ARL6: variants seen among roughly 807,000 people sequenced by gnomAD.
ARL6 encodes the protein ADP-ribosylation factor-like protein 6.
Under a neutral mutation model 27.1 loss-of-function variants are expected in ARL6, and 18 were observed. The observed-to-expected ratio is 0.66, with a 90% CI of 0.46 to 0.98. ARL6 has a LOEUF of 0.98. Among genes scored for constraint, ARL6 ranks in the 50% least tolerant of loss-of-function variants. The probability of loss-of-function intolerance (pLI) is 0.00; values close to 1 mark genes in which losing one functional copy is unlikely to be tolerated. For missense variants in ARL6, 187 were observed against 214.9 expected, an observed-to-expected ratio of 0.87 and a Z score of 0.81; for synonymous variants, 65 against 72.3, an observed-to-expected ratio of 0.90 and a Z score of 0.51.
At chr3:97,771,783 T>C (rs1217871659) in intron 2 of ARL6, among the ~76,000 whole-genome samples, 3 of 152,212 alleles carry the variant, frequency 2.0e-5, no homozygotes, top group Non-Finnish European at 4.4e-5. Context: ...TCAACGTCTA[T>C]TTAAATGATC....
intron 2 of ARL6, among the ~76,000 whole-genome samples, chr3:97,776,291 C>T (rs982092182): frequency 1.6e-4 from 24 of 151,866 alleles, no homozygotes; most frequent in African/African-American, 5.6e-4. Context: ...CATGGAATGT[C>T]TTTATCCGTT....
rs1167688946 is a variant in ARL6 at position 97,798,235 on chromosome 3, AC to A, written c.*187del. 2.1e-4 allele frequency: 128 copies of A among 600,296 alleles called. No homozygotes were observed. The highest frequency in any genetic ancestry group is 3.3e-4 in the Non-Finnish European group (113 of 337,504). 37.2% of individuals were successfully genotyped at this position (600,296 alleles called of 1,614,324 possible). A position where few individuals can be genotyped will look rare whatever the true frequency, so the allele number is the denominator to read the frequency against. On this transcript the variant is annotated 3_prime_UTR_variant, in exon 8 of 8. Coordinates refer to ENST00000463745, the MANE Select transcript of ARL6 (RefSeq NM_001278293.3). ...TAATTTGGCCATTAATTATTTAAAA[AC>A]TAAATATTCCCTCAAAAGGGCTCCC... is the stretch of plus-strand genomic sequence containing the variant.
rs1166582269 is a variant in ARL6, at chr3:97,780,618, G to T, written c.189G>T (p.Leu63Phe). Residue 63 changes from leucine (L) to phenylalanine (F), a missense_variant, in exon 4 of 8, where the codon TTG (leucine) becomes TTT (phenylalanine). Coordinates refer to ENST00000463745, the MANE Select transcript of ARL6 (RefSeq NM_001278293.3). ...CATGTTTTGCTTCTTTTTGTAGTTT[G>T]TCATTTACAGTGTTTGACATGTCAG... The part of the protein sequence containing the change: ...FSIEKFKSSS[L>F]SFTVFDMSGQ... 1.2e-6 allele frequency: 2 copies of T among 1,612,468 alleles called. No homozygotes were observed. Among genetic ancestry groups the T allele is most frequent in the South Asian group, 1.1e-5 (1 of 91,012 alleles).
intron 7 of ARL6, 155 bp downstream of exon 7, chr3:97,791,981 C>T: frequency 7.7e-6 from 5 of 651,314 alleles, no homozygotes; most frequent in Admixed American, 2.8e-5. Flanking sequence ...TATCCAATAC[C>T]TTGTTCCATT....
intron 2 of ARL6, among the ~76,000 whole-genome samples, chr3:97,779,908 G>A (rs960008969): frequency 8.6e-5 from 13 of 150,722 alleles, no homozygotes; most frequent in South Asian, 2.1e-4. Context: ...TAAAACAAAC[G>A]CTTATGTCCT....
chr3:97,775,607 C>G (rs1475954688), intron 2 of ARL6, among the ~76,000 whole-genome samples: 1 of 152,176 alleles, frequency 6.6e-6, no homozygotes, highest in Non-Finnish European at 1.5e-5. Flanking sequence ...AGGATCAATA[C>G]TTTGCATCCT....
chr3:97,797,739 A>C (rs1309276353), intron 7 of ARL6, among the ~76,000 whole-genome samples: 2 of 152,190 alleles, frequency 1.3e-5, no homozygotes, highest in African/African-American at 4.8e-5. Flanking sequence ...GATAAAAATA[A>C]TAACTATAGA....
chr3:97,799,711 G>A lies in ARL6; in HGVS notation c.*1662G>A, dbSNP rs548574719. Reference sequence around the variant, plus strand: ...TTTCAACATTTAATCCTCCCAATAAGCCTATGTGGCAGGTTTTATTATTTC... The same window carrying A: ...TTTCAACATTTAATCCTCCCAATAAACCTATGTGGCAGGTTTTATTATTTC... On this transcript the variant is annotated 3_prime_UTR_variant, in exon 8 of 8. Transcript: ENST00000463745. The A allele has an allele frequency of 6.6e-6, 1 of 152,006 alleles. No individual in the cohort carries two copies. The highest frequency in any genetic ancestry group is 2.4e-5 in the African/African-American group (1 of 41,426). 9.4% of individuals were successfully genotyped at this position (152,006 alleles called of 1,614,324 possible). A position where few individuals can be genotyped will look rare whatever the true frequency, so the allele number is the denominator to read the frequency against.
intron 4 of ARL6, among the ~76,000 whole-genome samples, chr3:97,783,773 CA>C (rs1029670683): frequency 1.3e-5 from 2 of 150,486 alleles, no homozygotes; most frequent in South Asian, 2.1e-4. Flanking sequence ...AAGTGATTCG[CA>C]AAAAAAAGTA....
Position 97,798,713 on chromosome 3 carries a change from C to A in ARL6, c.*664C>A, listed in dbSNP as rs914844772. 1 of 151,932 alleles carries A rather than the reference C, an allele frequency of 6.6e-6. No homozygotes were observed. The highest frequency in any genetic ancestry group is 1.5e-5 in the Non-Finnish European group (1 of 67,942). 9.4% of individuals were successfully genotyped at this position (151,932 alleles called of 1,614,324 possible). ...GACATAGTCCTAGGCAATGATGTTA[C>A]GAGGTAAATAAGACATATCCTTATC... is the stretch of plus-strand genomic sequence containing the variant. On this transcript the variant is annotated 3_prime_UTR_variant, in exon 8 of 8. Coordinates refer to ENST00000463745, the MANE Select transcript of ARL6 (RefSeq NM_001278293.3).
At chr3:97,780,762 C>A in intron 4 of ARL6, 79 bp downstream of exon 4, 2 of 1,155,220 alleles carry the variant, frequency 1.7e-6, no homozygotes, top group Non-Finnish European at 2.5e-6. Context: ...AATTATATGG[C>A]TAGGTTGTTT....
chr3:97,788,283 A>G (rs1252063435), intron 6 of ARL6, among the ~76,000 whole-genome samples, 164 bp downstream of exon 6: 3 of 152,192 alleles, frequency 2.0e-5, no homozygotes, highest in Admixed American at 2.0e-4. Flanking sequence ...TTTTACAAAT[A>G]TATTACTGTT....
intron 2 of ARL6, among the ~76,000 whole-genome samples, chr3:97,773,462 A>T (rs2036737444): frequency 6.6e-6 from 1 of 152,148 alleles, no homozygotes; most frequent in Admixed American, 6.5e-5. Flanking sequence ...ACTCAGTATT[A>T]ACCATCACAA....
intron 5 of ARL6, among the ~76,000 whole-genome samples, chr3:97,785,738 G>A (rs1346094981): frequency 6.6e-6 from 1 of 152,056 alleles, no homozygotes; most frequent in Non-Finnish European, 1.5e-5. Flanking sequence ...ACCTGTTGAT[G>A]TATACTTTCC....
chr3:97,777,607 T>C (rs1450705608), intron 2 of ARL6, among the ~76,000 whole-genome samples: 2 of 152,228 alleles, frequency 1.3e-5, no homozygotes, highest in Non-Finnish European at 2.9e-5. Flanking sequence ...TTAGAAGCTA[T>C]AGATACAGAG....
At chr3:97,795,397 G>T (rs1576480170) in intron 7 of ARL6, among the ~76,000 whole-genome samples, 1 of 152,106 alleles carries the variant, frequency 6.6e-6, no homozygotes, top group Non-Finnish European at 1.5e-5. Context: ...AATGCTCCCA[G>T]ATGTGAATAT....
In ARL6 at chr3:97,782,019, T is replaced by C. The variant is rs181966170; in HGVS notation, c.254+1336T>C. On this transcript the variant is annotated intron_variant, in intron 4 of 7. Coordinates refer to ENST00000463745, the MANE Select transcript of ARL6 (RefSeq NM_001278293.3). ...AGTCCTTCAATAAATTGAAGGCCTA[T>C]TTAAATCGTAGGTCCAGAAGACTTC... 5.5e-3 allele frequency among the ~76,000 whole-genome samples: 835 copies of C among 152,064 alleles called. 9 individuals carry two copies. The highest frequency in any genetic ancestry group is 4.7e-3 in the Non-Finnish European group (320 of 67,870).
rs537864598 is a variant in ARL6 at position 97,780,465 on chromosome 3, A to G, written c.186-150A>G. On this transcript the variant is annotated intron_variant, in intron 3 of 7. Coordinates refer to ENST00000463745, the MANE Select transcript of ARL6 (RefSeq NM_001278293.3). Reference sequence around the variant, plus strand: ...ATTGCAAAATTGTGTTTATATTAATACATTTATTTCATAGAACTTTTACTT... The same window carrying G: ...ATTGCAAAATTGTGTTTATATTAATGCATTTATTTCATAGAACTTTTACTT... 1.9e-5 allele frequency: 14 copies of G among 734,000 alleles called. No homozygotes were observed. In the African/African-American group the frequency reaches 2.5e-4, roughly 13 times the overall value. The allele number at this position is 734,000 out of a possible 1,614,324, so 45.5% of individuals were successfully genotyped here.
At chr3:97,776,109 G>A (rs996905563) in intron 2 of ARL6, among the ~76,000 whole-genome samples, 12 of 151,972 alleles carry the variant, frequency 7.9e-5, no homozygotes, top group Admixed American at 2.0e-4. Flanking sequence ...TAATATATAC[G>A]GTGTTCCCAT....
Sources: gnomAD v4.1 joint callset for allele counts (sites outside exome capture counted in the v4.1 genomes callset) on GRCh38, gnomAD v4.1.1 for gene constraint, MANE v1.5 for transcripts, NCBI Gene and HGNC (gene_info 2026-07-23, HGNC 2026-07-21) for gene names.